Variants in DNAH10 observed in about 807,000 individuals in gnomAD.
The protein encoded by DNAH10 is dynein axonemal heavy chain 10.
In DNAH10, 348 loss-of-function variants were observed where a neutral mutation model predicts 506.6. The ratio of observed to expected loss-of-function variants is 0.69; its 90% CI spans 0.63 to 0.75. The LOEUF is 0.75. DNAH10 is among the 30% of genes least tolerant of loss of function. The probability of loss-of-function intolerance (pLI) is 0.00; values close to 1 mark genes in which losing one functional copy is unlikely to be tolerated. For missense variants in DNAH10, 5,179 were observed against 5,787.1 expected, an observed-to-expected ratio of 0.89 and a Z score of 3.41; for synonymous variants, 2,059 against 2,198.6, an observed-to-expected ratio of 0.94 and a Z score of 1.78.
intron 49 of DNAH10, 65 bp from the exon 50 acceptor site, chr12:123,879,569 C>T: frequency 1.3e-6 from 2 of 1,596,992 alleles, no homozygotes; most frequent in South Asian, 2.2e-5. Flanking sequence ...ATCCTCTGCT[C>T]CTAGCAAGTT....
In DNAH10 at chr12:123,865,958, A is replaced by G; in HGVS notation, c.7052A>G (p.Asp2351Gly). Residue 2351 changes from aspartate to glycine, a missense_variant, in exon 41 of 79, where the codon GAT becomes GGT. Around this residue, in one of 3 missense-constraint regions of DNAH10, gnomAD observed 4,844 missense variants for 5,430.5 expected, o/e 0.89. Transcript: ENST00000673944. ...AHCALLFEVGDLQYASPATVS... is the reference protein window; with the variant it reads ...AHCALLFEVGGLQYASPATVS... ...TTTTCTTTATTTATCCAGGTTGGAG[A>G]TTTACAGTATGCCTCCCCTGCAACT... is the stretch of plus-strand genomic sequence containing the variant. The G allele has an allele frequency of 1.2e-6, 2 of 1,603,398 alleles. No homozygotes were observed. The highest frequency in any genetic ancestry group is 1.7e-6 in the Non-Finnish European group (2 of 1,176,508).
chr12:123,911,184 A>AC (rs148321364), intron 59 of DNAH10, among the ~76,000 whole-genome samples: 1 of 140,808 alleles, frequency 7.1e-6, no homozygotes, highest in Non-Finnish European at 1.5e-5. Context: ...AAAAAAAAAA[A>AC]TGACGTAAAG....
chr12:123,860,585 T>A (rs983370288), intron 38 of DNAH10, among the ~76,000 whole-genome samples: 2 of 152,172 alleles, frequency 1.3e-5, no homozygotes, highest in South Asian at 4.1e-4. Context: ...GCAGCTGTTG[T>A]TCTGTAGATA....
At chr12:123,772,642 C>T (rs1487696036) in intron 3 of DNAH10, among the ~76,000 whole-genome samples, 192 bp from the exon 4 acceptor site, 1 of 152,216 alleles carries the variant, frequency 6.6e-6, no homozygotes, top group Non-Finnish European at 1.5e-5. Flanking sequence ...AGGAGTCAGG[C>T]TGACAGCTCA....
intron 30 of DNAH10, among the ~76,000 whole-genome samples, chr12:123,844,941 G>A (rs979394949): frequency 3.3e-5 from 5 of 151,990 alleles, no homozygotes; most frequent in African/African-American, 1.2e-4. Context: ...TGCCCAGCCT[G>A]GAATATTGTT....
chr12:123,928,486 T>C lies in DNAH10; in HGVS notation c.12205T>C (p.Ser4069Pro). The change falls in exon 70 of 79, where the codon TCC becomes CCC. Residue 4069 changes from serine (S) to proline (P), a missense_variant. Ser to Pro is a moderately conservative substitution (Grantham distance 74). Around this residue, in one of 3 missense-constraint regions of DNAH10, gnomAD observed 4,844 missense variants for 5,430.5 expected, o/e 0.89. Coordinates refer to ENST00000673944, the MANE Select transcript of DNAH10 (RefSeq NM_001372106.1). The surrounding 1 kb of genome is among the most constrained non-coding windows in gnomAD (Gnocchi z 4.9). ...CAAGTGGCTGAAAGATCTGGAGAAG[T>C]CCCTGGAGAGGATCACCAAGCCCCA... ...LVKWLKDLEK[S>P]LERITKPHPD... 1 of 1,611,220 alleles carries C rather than the reference T, an allele frequency of 6.2e-7. No homozygotes were observed. Among genetic ancestry groups the C allele is most frequent in the Non-Finnish European group, 8.5e-7 (1 of 1,178,882 alleles).
chr12:123,803,691 AG>A lies in DNAH10; in HGVS notation c.2647del (p.Ala883ProfsTer23). On this transcript the variant is annotated frameshift_variant, in exon 17 of 79. Coordinates refer to ENST00000673944, the MANE Select transcript of DNAH10 (RefSeq NM_001372106.1). LOFTEE classifies it high-confidence loss of function. Reference sequence around the variant, plus strand: ...GGTGACTATATAACTGGTTGCAAACAGGCCATTGGGAAATTTGAGTCTCTCG... The same window carrying A: ...GGTGACTATATAACTGGTTGCAAACAGCCATTGGGAAATTTGAGTCTCTCG... ...GIGDYITGCK[Q>X]AIGKFESLVH... The A allele has an allele frequency of 6.2e-7, 1 of 1,605,732 alleles. No individual in the cohort carries two copies. The highest frequency in any genetic ancestry group is 8.5e-7 in the Non-Finnish European group (1 of 1,178,062).
At chr12:123,772,813 T>C (rs1957303630) in intron 3 of DNAH10, 21 bp from the exon 4 acceptor site, 2 of 1,567,382 alleles carry the variant, frequency 1.3e-6, no homozygotes, top group Non-Finnish European at 1.7e-6. Context: ...GAATGAATGG[T>C]TTTTGTTCCC....
Position 123,924,414 on chromosome 12 carries a change from T to TAA in DNAH10, c.11748_11749insAA (p.Gln3917AsnfsTer48), listed in dbSNP as rs746814896. 6.2e-7 allele frequency: 1 copy of TAA among 1,613,268 alleles called. No individual in the cohort carries two copies. Among genetic ancestry groups the TAA allele is most frequent in the Admixed American group, 1.7e-5 (1 of 60,008 alleles). ...AACTTCCTGATGATGTTGAGAATAATCAGACTGTCTGGCAGGAGGTGAGCC... is the reference window on the plus strand; with the variant it reads ...AACTTCCTGATGATGTTGAGAATAATAACAGACTGTCTGGCAGGAGGTGAGCC... On this transcript the variant is annotated frameshift_variant, in exon 67 of 79. Coordinates refer to ENST00000673944, the MANE Select transcript of DNAH10 (RefSeq NM_001372106.1). LOFTEE classifies it high-confidence loss of function.
intron 45 of DNAH10, 53 bp downstream of exon 45, chr12:123,871,655 T>C: frequency 2.6e-6 from 4 of 1,525,854 alleles, no homozygotes; most frequent in African/African-American, 2.7e-5. Flanking sequence ...ATTATTCCAG[T>C]GCATAGCAGC....
chr12:123,833,881 A>G (rs1224867934), intron 27 of DNAH10, among the ~76,000 whole-genome samples: 1 of 152,114 alleles, frequency 6.6e-6, no homozygotes, highest in Non-Finnish European at 1.5e-5. Flanking sequence ...ACTGGGAAGT[A>G]GCAAGGTCTT....
chr12:123,880,961 C>T (rs1952483156), intron 50 of DNAH10, among the ~76,000 whole-genome samples: 1 of 151,944 alleles, frequency 6.6e-6, no homozygotes, highest in Admixed American at 6.6e-5. Context: ...TCATCCATGT[C>T]CCTACAAAGG....
chr12:123,853,171 T>C lies in DNAH10; in HGVS notation c.6292-35T>C. Reference sequence around the variant, plus strand: ...ATTGCTTTTGAATCATTTTCTTTTTTCTTTTTTTTTGTATTATTATCTTCT... The same window carrying C: ...ATTGCTTTTGAATCATTTTCTTTTTCCTTTTTTTTTGTATTATTATCTTCT... On this transcript the variant is annotated intron_variant, in intron 35 of 78. Transcript: ENST00000673944. This position sits in a 1 kb window ranked among gnomAD's most constrained non-coding sequence, Gnocchi z 4.7. 6.6e-7 allele frequency: 1 copy of C among 1,504,200 alleles called. No homozygotes were observed. Among genetic ancestry groups the C allele is most frequent in the Non-Finnish European group, 8.9e-7 (1 of 1,122,066 alleles). 93.2% of individuals were successfully genotyped at this position (1,504,200 alleles called of 1,614,324 possible).
At chr12:123,772,969 T>C in intron 4 of DNAH10, 27 bp downstream of exon 4, 1 of 1,536,656 alleles carries the variant, frequency 6.5e-7, no homozygotes, top group Non-Finnish European at 9.0e-7. Context: ...TGTGTGTGTA[T>C]GTGTGTTGAG....
chr12:123,896,138 CACACACACACAG>C (rs1329030207), intron 54 of DNAH10, among the ~76,000 whole-genome samples: 60 of 114,206 alleles, frequency 5.3e-4, no homozygotes, highest in Non-Finnish European at 6.7e-4. Context: ...CACACACACA[CACACACACACAG>C]AGAGAGAGAG....
At chr12:123,799,185 G>A in intron 13 of DNAH10, 61 bp from the exon 14 acceptor site, 1 of 1,422,682 alleles carries the variant, frequency 7.0e-7, no homozygotes, top group Non-Finnish European at 9.7e-7. Flanking sequence ...TATCTGTGTA[G>A]AGCGAGATGA....
rs759023618 is a variant in DNAH10, at chr12:123,800,169, G to A, written c.2290-47G>A. ...TGGTGTGGGTTGTGTTGATCCAACT[G>A]TCTCTTGGACTGCCCTGGCCGCGCT... On this transcript the variant is annotated intron_variant, in intron 14 of 78. Coordinates refer to ENST00000673944, the MANE Select transcript of DNAH10 (RefSeq NM_001372106.1). 24 of 1,584,758 alleles carry A rather than the reference G, an allele frequency of 1.5e-5. No individual in the cohort carries two copies. In the South Asian group the frequency reaches 2.6e-4, roughly 17 times the overall value.
intron 21 of DNAH10, among the ~76,000 whole-genome samples, chr12:123,815,606 T>A (rs1959116667): frequency 6.6e-6 from 1 of 152,194 alleles, no homozygotes; most frequent in South Asian, 2.1e-4. Context: ...AGGAAAAGCT[T>A]TTGGCACTGT....
In DNAH10 at chr12:123,879,710, T is replaced by C; in HGVS notation, c.8543T>C (p.Leu2848Ser). Reference protein sequence around the residue: ...DVEVVMRDPILFGDFQMALHE... With the variant: ...DVEVVMRDPISFGDFQMALHE... ...GAGGTGGTGATGAGGGATCCCATAT[T>C]GTTTGGAGACTTCCAGATGGCTCTG... Residue 2848 changes from leucine (L) to serine (S), a missense_variant, in exon 50 of 79, where the codon TTG (leucine) becomes TCG (serine). Physicochemically the swap from Leu to Ser is moderately radical, Grantham distance 145. Around this residue, in one of 3 missense-constraint regions of DNAH10, gnomAD observed 4,844 missense variants for 5,430.5 expected, o/e 0.89. Transcript: ENST00000673944. The C allele has an allele frequency of 6.2e-7, 1 of 1,613,978 alleles. No individual in the cohort carries two copies. Among genetic ancestry groups the C allele is most frequent in the Non-Finnish European group, 8.5e-7 (1 of 1,179,878 alleles).
Sources: allele counts gnomAD v4.1 joint callset (sites outside exome capture counted in the v4.1 genomes callset), GRCh38; gene constraint gnomAD v4.1.1; regional missense constraint gnomAD v4.1.1; non-coding constraint Gnocchi (gnomAD v3.1); transcripts MANE v1.5; gene names NCBI Gene and HGNC (gene_info 2026-07-23, HGNC 2026-07-21).